The following MROH2B variants were observed in gnomAD, a reference collection of about 807,000 sequenced individuals.
MROH2B encodes the protein maestro heat-like repeat-containing protein family member 2B.
MROH2B carries 177 observed loss-of-function variants against 208.6 expected under a neutral mutation model. That is an observed-to-expected ratio of 0.85 (90% confidence interval 0.75 to 0.96). MROH2B has a LOEUF of 0.96. Among genes scored for constraint, MROH2B ranks in the 40% least tolerant of loss-of-function variants. MROH2B has a pLI of 0.00. For missense variants in MROH2B, 2,002 were observed against 1,878.7 expected (o/e 1.07, Z -1.21); for synonymous variants, 728 against 659.0 (o/e 1.10, Z -1.60).
intron 9 of MROH2B, among the ~76,000 whole-genome samples, chr5:41,056,067 C>A (rs1264247870): frequency 3.3e-5 from 5 of 152,156 alleles, no homozygotes; most frequent in Non-Finnish European, 7.3e-5. Flanking sequence ...CACTTCTGTT[C>A]ATATCTGTGA....
chr5:41,017,813 C>G (rs1230459541), intron 28 of MROH2B, 37 bp downstream of exon 28: 1 of 1,549,252 alleles, frequency 6.5e-7, no homozygotes, highest in South Asian at 1.2e-5. Flanking sequence ...AGATGGGTTT[C>G]TTTTCTTCAT....
At position 41,000,255 on chromosome 5, in the gene MROH2B, C is replaced by T. The variant is rs1489023115; in HGVS notation, c.4447G>A (p.Ala1483Thr). The change falls in exon 39 of 42, where the codon GCC becomes ACC. Residue 1483 changes from alanine to threonine, a missense_variant. Ala to Thr is a moderately conservative substitution (Grantham distance 58, BLOSUM62 0). Coordinates refer to ENST00000399564, the MANE Select transcript of MROH2B (RefSeq NM_173489.5). ...CAGAATTGCCTGTAGAAATCCCTGG[C>T]CCTTGGTAGATCCTGATCAAGGAGA... ...DRLLDQDLPR[A>T]RDFYRQFCVK... is the part of the protein sequence containing the mutation. 2 of 1,613,880 alleles carry T rather than the reference C, an allele frequency of 1.2e-6. No individual in the cohort carries two copies. Among genetic ancestry groups the T allele is most frequent in the Non-Finnish European group, 1.7e-6 (2 of 1,179,824 alleles).
At chr5:41,041,194 G>A (rs1742935225) in intron 19 of MROH2B, among the ~76,000 whole-genome samples, 2 of 152,148 alleles carry the variant, frequency 1.3e-5, no homozygotes, top group African/African-American at 2.4e-5. Flanking sequence ...GTGGTTTCTG[G>A]CCATTTAATG....
At chr5:41,057,226 G>A (rs747208466) in intron 8 of MROH2B, 42 bp downstream of exon 8, 12 of 1,610,924 alleles carry the variant, frequency 7.4e-6, no homozygotes, top group South Asian at 1.1e-5. Flanking sequence ...ACAGAAAACC[G>A]GTTGAAATTA....
chr5:41,056,312 A>T (rs1190759078), intron 9 of MROH2B, among the ~76,000 whole-genome samples: 1 of 152,120 alleles, frequency 6.6e-6, no homozygotes, highest in Non-Finnish European at 1.5e-5. Context: ...GTTGGAGGAC[A>T]GTGGTTTATT....
chr5:41,068,060 T>C (rs1051836995), intron 2 of MROH2B, among the ~76,000 whole-genome samples: 2 of 152,208 alleles, frequency 1.3e-5, no homozygotes, highest in Admixed American at 6.5e-5. Flanking sequence ...CTAGATGCCC[T>C]GTGTGAGGAA....
At chr5:41,015,276 A>G (rs1741901346) in intron 29 of MROH2B, 105 bp downstream of exon 29, 1 of 977,278 alleles carries the variant, frequency 1.0e-6, no homozygotes, top group Non-Finnish European at 1.5e-6. Flanking sequence ...CGGGTCCCTC[A>G]TTCAGCTTGA....
chr5:41,005,276 C>G (rs1238190952), intron 35 of MROH2B: 2 of 534,788 alleles, frequency 3.7e-6, no homozygotes, highest in Non-Finnish European at 6.6e-6. Flanking sequence ...TTGTTTGATC[C>G]CTCACAGATT....
At chr5:41,050,336 A>G (rs1743248754) in intron 13 of MROH2B, among the ~76,000 whole-genome samples, 1 of 152,232 alleles carries the variant, frequency 6.6e-6, no homozygotes, top group Admixed American at 6.5e-5. Context: ...AAGGTCTTAA[A>G]CTTTAGTATG....
rs1388878875 is a variant in MROH2B at position 41,058,116 on chromosome 5, G to A, written c.703C>T (p.Pro235Ser). The change falls in exon 7 of 42, where the codon CCC becomes TCC. Residue 235 changes from proline to serine, a missense_variant. Transcript: ENST00000399564. ...DFRGYALGQVPWLLNQYKDKE... is the reference protein window; with the variant it reads ...DFRGYALGQVSWLLNQYKDKE... The stretch of plus-strand genomic sequence containing the variant: ...TCTTTATACTGGTTCAGGAGCCAGG[G>A]CACCTGGCCCAGGGCGTATCCACGG... 9.3e-6 allele frequency: 15 copies of A among 1,606,212 alleles called. No homozygotes were observed. Among genetic ancestry groups the A allele is most frequent in the South Asian group, 7.8e-5 (7 of 89,466 alleles).
intron 24 of MROH2B, among the ~76,000 whole-genome samples, chr5:41,028,576 G>T (rs1742460108): frequency 6.6e-6 from 1 of 151,856 alleles, no homozygotes; most frequent in African/African-American, 2.4e-5. Context: ...TTTTTTCTGT[G>T]TCTGGCTTAT....
chr5:41,057,992 G>A lies in MROH2B; in HGVS notation c.756+71C>T. 4 of 1,380,722 alleles carry A rather than the reference G, an allele frequency of 2.9e-6. No individual in the cohort carries two copies. In the South Asian group the frequency reaches 7.9e-5, roughly 27 times the overall value. The allele number at this position is 1,380,722 out of a possible 1,614,324, so 85.5% of individuals were successfully genotyped here. ...GAGTTTAAGCTCCTTAGGGTCTTTT[G>A]AGACTTAAAAGCCTCCCGGAGGGTT... is the stretch of plus-strand genomic sequence containing the variant. On this transcript the variant is annotated intron_variant, in intron 7 of 41. Transcript: ENST00000399564.
At chr5:41,064,717 C>A in intron 4 of MROH2B, 147 bp from the exon 5 acceptor site, 1 of 577,830 alleles carries the variant, frequency 1.7e-6, no homozygotes, top group Non-Finnish European at 3.1e-6. Context: ...ATTCCGCCAT[C>A]TCTACCCCAC....
At chr5:41,005,131 G>C (rs920494812) in intron 35 of MROH2B, 1 of 594,248 alleles carries the variant, frequency 1.7e-6, no homozygotes, top group Non-Finnish European at 2.9e-6. Flanking sequence ...ATGTAAACCC[G>C]GTTACCTGCA....
chr5:41,000,377 C>G lies in MROH2B; in HGVS notation c.4351-26G>C, dbSNP rs781573695. 7.5e-6 allele frequency: 12 copies of G among 1,609,242 alleles called. No homozygotes were observed. The South Asian group carries it at 1.3e-4, about 18-fold the overall frequency. On this transcript the variant is annotated intron_variant, in intron 38 of 41. Coordinates refer to ENST00000399564, the MANE Select transcript of MROH2B (RefSeq NM_173489.5). ...CTGGAAAACAGAGTTTTCTGCATCACAGTCCAGAACGTTAGGATCTCCTTC... is the reference window on the plus strand; with the variant it reads ...CTGGAAAACAGAGTTTTCTGCATCAGAGTCCAGAACGTTAGGATCTCCTTC...
At position 41,045,774 on chromosome 5, in the gene MROH2B, C is replaced by T. The variant is rs1561298160; in HGVS notation, c.1808G>A (p.Gly603Asp). ...CTCAGTGGAGTTATTGCTGTAACTG[C>T]CCATTTGCTGTTTGAAATCCTGAGT... The part of the protein sequence containing the change: ...QLTQDFKQQM[G>D]SYSNNSTEKK... Residue 603 changes from glycine to aspartate, a missense_variant, in exon 18 of 42, where the codon GGC becomes GAC. Physicochemically the swap from Gly to Asp is moderately conservative, Grantham distance 94 (BLOSUM62 -1). Transcript: ENST00000399564. The T allele has an allele frequency of 6.2e-7, 1 of 1,613,488 alleles. No individual in the cohort carries two copies. Among genetic ancestry groups the T allele is most frequent in the East Asian group, 2.2e-5 (1 of 44,846 alleles).
intron 22 of MROH2B, 57 bp downstream of exon 22, chr5:41,033,781 T>TTAAC: frequency 1.3e-6 from 1 of 770,634 alleles, no homozygotes; most frequent in Non-Finnish European, 2.0e-6. Context: ...CAGGGGGGCA[T>TTAAC]TATCTATCTA....
chr5:41,038,668 G>A, intron 21 of MROH2B, 68 bp downstream of exon 21: 5 of 1,475,122 alleles, frequency 3.4e-6, no homozygotes, highest in South Asian at 1.5e-5. Flanking sequence ...AGCTTCCCAG[G>A]GACTGAGCCC....
In MROH2B at chr5:41,065,420, A is replaced by G; in HGVS notation, c.272T>C (p.Val91Ala). Residue 91 changes from valine to alanine, a missense_variant, in exon 4 of 42, where the codon GTG (valine) becomes GCG (alanine). Val to Ala is a moderately conservative substitution (Grantham distance 64). Transcript: ENST00000399564. ...VSLAAHDFNS[V>A]MYEVQSNFRI... Reference sequence around the variant, plus strand: ...GAAGTTACTTTGTACTTCATACATCACAGAGTTGAAATCATGTGCAGCAAG... The same window carrying G: ...GAAGTTACTTTGTACTTCATACATCGCAGAGTTGAAATCATGTGCAGCAAG... The G allele has an allele frequency of 6.2e-7, 1 of 1,613,576 alleles. No individual in the cohort carries two copies.
Sources: allele counts gnomAD v4.1 joint callset (sites outside exome capture counted in the v4.1 genomes callset), GRCh38; gene constraint gnomAD v4.1.1; transcripts MANE v1.5; gene names NCBI Gene and HGNC (gene_info 2026-07-23, HGNC 2026-07-21).